Variants in MACROD2 observed in about 807,000 individuals in gnomAD.
The protein encoded by MACROD2 is ADP-ribose glycohydrolase MACROD2.
MACROD2 carries 36 observed loss-of-function variants against 70.4 expected under a neutral mutation model. The observed-to-expected ratio is 0.51, with a 90% CI of 0.39 to 0.68. MACROD2 has a LOEUF of 0.68. Among genes scored for constraint, MACROD2 ranks in the 30% least tolerant of loss-of-function variants. MACROD2 has a pLI of 0.00. For missense variants in MACROD2, 496 were observed against 538.4 expected, an observed-to-expected ratio of 0.92 and a Z score of 0.78; for synonymous variants, 172 against 178.8, an observed-to-expected ratio of 0.96 and a Z score of 0.30.
chr20:15,442,219 CTT>C (rs1263721701), intron 7 of MACROD2, among the ~76,000 whole-genome samples: 2 of 152,122 alleles, frequency 1.3e-5, no homozygotes, highest in African/African-American at 4.8e-5. Context: ...AGGACAATGA[CTT>C]TTATGTCAAA....
intron 4 of MACROD2, among the ~76,000 whole-genome samples, chr20:14,666,074 C>T: frequency 6.6e-6 from 1 of 152,004 alleles, no homozygotes; most frequent in Non-Finnish European, 1.5e-5. Context: ...AGGTTATGAC[C>T]ATGGCCCGTG....
intron 5 of MACROD2, among the ~76,000 whole-genome samples, chr20:14,832,275 A>T (rs385770): frequency 6.6e-6 from 1 of 151,296 alleles, no homozygotes; most frequent in Non-Finnish European, 1.5e-5. Flanking sequence ...TAACTACTTG[A>T]TCTTCACTGA....
intron 11 of MACROD2, among the ~76,000 whole-genome samples, chr20:15,936,311 AGTTTTT>A (rs2065659759): frequency 6.7e-6 from 1 of 148,762 alleles, no homozygotes; most frequent in African/African-American, 2.4e-5. Flanking sequence ...GTATATATAT[AGTTTTT>A]CATGTAGTAT....
rs183149647 is a variant in MACROD2 at position 15,814,718 on chromosome 20, A to G, written c.646-48027A>G. On this transcript the variant is annotated intron_variant, in intron 8 of 17. Transcript: ENST00000684519. ...GGCTTCTATTATTAAGACCTGTACA[A>G]ACTTTTTCATGATACTGCACTTACC... Among the ~76,000 whole-genome samples, 542 of 152,334 alleles carry G rather than the reference A, an allele frequency of 3.6e-3. 6 individuals carry two copies. The highest frequency in any genetic ancestry group is 0.012 in the African/African-American group (511 of 41,572).
chr20:14,646,522 C>A (rs1040398111), intron 4 of MACROD2, among the ~76,000 whole-genome samples: 2 of 151,896 alleles, frequency 1.3e-5, no homozygotes, highest in African/African-American at 4.8e-5. Context: ...TATATATAAA[C>A]GTCAGTCAGA....
At chr20:14,231,244 C>T (rs1206376845) in intron 3 of MACROD2, among the ~76,000 whole-genome samples, 6 of 151,850 alleles carry the variant, frequency 4.0e-5, no homozygotes, top group East Asian at 3.9e-4. Context: ...CCCATTAACT[C>T]GTCATTTAAC....
intron 3 of MACROD2, among the ~76,000 whole-genome samples, chr20:14,257,632 T>C (rs962677667): frequency 6.6e-6 from 1 of 152,192 alleles, no homozygotes; most frequent in Non-Finnish European, 1.5e-5. Flanking sequence ...TAAGATTACT[T>C]AAAAATATAA....
At chr20:14,201,655 G>A (rs2081480630) in intron 3 of MACROD2, among the ~76,000 whole-genome samples, 1 of 151,834 alleles carries the variant, frequency 6.6e-6, no homozygotes, top group South Asian at 2.1e-4. Context: ...GCCTGGCCAA[G>A]ATGGTGAAAC....
At chr20:14,868,870 T>G (rs1476167346) in intron 5 of MACROD2, among the ~76,000 whole-genome samples, 1 of 152,124 alleles carries the variant, frequency 6.6e-6, no homozygotes, top group East Asian at 1.9e-4. Context: ...CAAAATATGT[T>G]AAAGCACCTG....
At chr20:14,965,783 A>G (rs1409087209) in intron 5 of MACROD2, among the ~76,000 whole-genome samples, 1 of 151,954 alleles carries the variant, frequency 6.6e-6, no homozygotes, top group East Asian at 1.9e-4. Context: ...ATATATTTTT[A>G]TAACTTCATC....
Position 15,965,396 on chromosome 20 carries a change from C to T in MACROD2, c.908-2157C>T, listed in dbSNP as rs532377160. ...TCATTAGATCATAAACTTGTAAACT[C>T]GATGTAAATCACCATTGAGGAGACG... On this transcript the variant is annotated intron_variant, in intron 12 of 17. Transcript: ENST00000684519. Among the ~76,000 whole-genome samples, 21 of 152,126 alleles carry T rather than the reference C, an allele frequency of 1.4e-4. No homozygotes were observed. The South Asian group carries it at 4.2e-3, about 30-fold the overall frequency.
At chr20:15,943,601 C>T (rs1003272417) in intron 12 of MACROD2, among the ~76,000 whole-genome samples, 2 of 152,204 alleles carry the variant, frequency 1.3e-5, no homozygotes, top group Non-Finnish European at 1.5e-5. Flanking sequence ...TTGAGTGTCT[C>T]CTGTACACAA....
At chr20:15,033,114 T>C (rs1336299748) in intron 5 of MACROD2, among the ~76,000 whole-genome samples, 1 of 152,122 alleles carries the variant, frequency 6.6e-6, no homozygotes, top group Admixed American at 6.6e-5. Context: ...AGAGTTTCAG[T>C]ACGGGGGATG....
At chr20:14,453,795 A>G (rs2084270452) in intron 3 of MACROD2, among the ~76,000 whole-genome samples, 1 of 152,154 alleles carries the variant, frequency 6.6e-6, no homozygotes, top group Non-Finnish European at 1.5e-5. Context: ...CAGTTCATTA[A>G]AAATACATTT....
intron 5 of MACROD2, among the ~76,000 whole-genome samples, chr20:15,218,700 C>T (rs2076831964): frequency 6.6e-6 from 1 of 151,982 alleles, no homozygotes; most frequent in African/African-American, 2.4e-5. Context: ...GGAAATACCC[C>T]GATTATCTCA....
chr20:14,317,575 G>A (rs2082623765), intron 3 of MACROD2, among the ~76,000 whole-genome samples: 2 of 147,344 alleles, frequency 1.4e-5, no homozygotes, highest in South Asian at 4.3e-4. Context: ...AGCCAAGATT[G>A]CGCCACTGCA....
chr20:15,343,022 A>G (rs1568735248), intron 6 of MACROD2, among the ~76,000 whole-genome samples: 1 of 152,212 alleles, frequency 6.6e-6, no homozygotes, highest in Non-Finnish European at 1.5e-5. Flanking sequence ...TAATGATTAT[A>G]AAGTGCTTTG....
chr20:14,654,429 C>T (rs1483567215), intron 4 of MACROD2, among the ~76,000 whole-genome samples: 1 of 151,408 alleles, frequency 6.6e-6, no homozygotes, highest in African/African-American at 2.4e-5. Context: ...GCCTGTAATC[C>T]CAGCTACTTG....
intron 8 of MACROD2, among the ~76,000 whole-genome samples, chr20:15,843,047 T>C: frequency 6.6e-6 from 1 of 152,176 alleles, no homozygotes; most frequent in African/African-American, 2.4e-5. Flanking sequence ...TCCTCACCAC[T>C]TGGTGGCACT....
Sources: allele counts gnomAD v4.1 joint callset (sites outside exome capture counted in the v4.1 genomes callset), GRCh38; gene constraint gnomAD v4.1.1; transcripts MANE v1.5; gene names NCBI Gene and HGNC (gene_info 2026-07-23, HGNC 2026-07-21).